The following SCAPER variants were observed in gnomAD, a reference collection of about 807,000 sequenced individuals.
The protein encoded by SCAPER is S-phase cyclin A associated protein in the ER.
A neutral mutation model predicts 182.2 loss-of-function variants in SCAPER; 98 were observed. That is an observed-to-expected ratio of 0.54 (90% CI 0.46 to 0.64). The LOEUF is 0.64. Ranked by LOEUF, SCAPER falls within the 30% of genes least tolerant of loss-of-function variation. The pLI is 0.00. For synonymous variants in SCAPER, 605 were observed against 564.6 expected (o/e 1.07, Z -1.01); for missense variants, 1,432 against 1,690.0 (o/e 0.85, Z 2.68).
intron 2 of SCAPER, among the ~76,000 whole-genome samples, chr15:76,862,936 T>A (rs2071993670): frequency 1.3e-5 from 2 of 152,220 alleles, no homozygotes; most frequent in Non-Finnish European, 2.9e-5. Context: ...ACGCTTTTTT[T>A]AATTCTCTAG....
intron 20 of SCAPER, among the ~76,000 whole-genome samples, chr15:76,678,930 CAG>C (rs1354340570): frequency 6.6e-6 from 1 of 152,066 alleles, no homozygotes; most frequent in Non-Finnish European, 1.5e-5. Context: ...CTCTGGGGGC[CAG>C]AGTTTTATTC....
intron 20 of SCAPER, among the ~76,000 whole-genome samples, chr15:76,685,992 A>G (rs1222708062): frequency 6.6e-6 from 1 of 152,096 alleles, no homozygotes; most frequent in Non-Finnish European, 1.5e-5. Context: ...AATGCAGGTG[A>G]ACCACTTTTA....
chr15:76,401,508 G>A (rs890780139), intron 27 of SCAPER, among the ~76,000 whole-genome samples: 7 of 152,110 alleles, frequency 4.6e-5, no homozygotes, highest in Non-Finnish European at 7.3e-5. Context: ...TGCTTCTTAG[G>A]AGTGATCATT....
At chr15:76,466,127 G>A (rs2049595306) in intron 25 of SCAPER, among the ~76,000 whole-genome samples, 2 of 152,178 alleles carry the variant, frequency 1.3e-5, no homozygotes, top group South Asian at 2.1e-4. Flanking sequence ...GATTTGGGAA[G>A]TTTTGGGTCA....
At chr15:76,366,912 A>C (rs1255123977) in intron 29 of SCAPER, among the ~76,000 whole-genome samples, 1 of 152,220 alleles carries the variant, frequency 6.6e-6, no homozygotes, top group African/African-American at 2.4e-5. Context: ...AGCTGTGTCA[A>C]AACAGTGTTT....
chr15:76,878,473 A>C (rs541927717), intron 2 of SCAPER, among the ~76,000 whole-genome samples: 1 of 152,278 alleles, frequency 6.6e-6, no homozygotes, highest in African/African-American at 2.4e-5. Context: ...ATAAAGGAAA[A>C]ATTTAATAAC....
At chr15:76,447,661 T>C (rs768441026) in intron 25 of SCAPER, among the ~76,000 whole-genome samples, 14 of 152,228 alleles carry the variant, frequency 9.2e-5, no homozygotes, top group Non-Finnish European at 1.8e-4. Flanking sequence ...GAGTTTGTTA[T>C]TCCTATATTC....
intron 20 of SCAPER, among the ~76,000 whole-genome samples, chr15:76,684,642 T>C (rs1256854799): frequency 1.3e-5 from 2 of 151,894 alleles, no homozygotes; most frequent in African/African-American, 2.4e-5. Context: ...AAGAATGCTA[T>C]CAATAACTAC....
chr15:76,700,444 C>G (rs977600813), intron 20 of SCAPER, among the ~76,000 whole-genome samples: 51 of 152,212 alleles, frequency 3.4e-4, no homozygotes, highest in Non-Finnish European at 2.9e-4. Flanking sequence ...TGGACCACTC[C>G]TTGCTTAGTT....
At chr15:76,366,086 T>TACACACACACACACAC (rs59741618) in intron 29 of SCAPER, among the ~76,000 whole-genome samples, 3 of 149,540 alleles carry the variant, frequency 2.0e-5, no homozygotes, top group African/African-American at 7.4e-5. Context: ...CTTACACACT[T>TACACACACACACACAC]ACACACACAC....
At chr15:76,524,285 G>A (rs979560154) in intron 23 of SCAPER, among the ~76,000 whole-genome samples, 2 of 152,096 alleles carry the variant, frequency 1.3e-5, no homozygotes, top group African/African-American at 4.8e-5. Context: ...GGAGAGCCAT[G>A]GTAGAAGGCC....
intron 28 of SCAPER, chr15:76,379,687 T>C (rs2042809784): frequency 6.6e-6 from 1 of 152,118 alleles, no homozygotes; most frequent in South Asian, 2.1e-4. Flanking sequence ...CTTTTTGATT[T>C]TTTTCTTTTC....
chr15:76,579,210 G>A (rs145079739), intron 22 of SCAPER, among the ~76,000 whole-genome samples: 4,049 of 136,884 alleles, frequency 0.03, 176 homozygotes, highest in African/African-American at 0.098. Flanking sequence ...AGCTTGCAGT[G>A]AGCTGAGATG....
At chr15:76,418,090 G>A (rs74980059) in intron 26 of SCAPER, among the ~76,000 whole-genome samples, 2,421 of 152,300 alleles carry the variant, frequency 0.016, 47 homozygotes, top group African/African-American at 0.048. Flanking sequence ...GAGTTGCCTG[G>A]TGGTTGTCCC....
chr15:76,823,936 G>T (rs2067779957), intron 5 of SCAPER, among the ~76,000 whole-genome samples: 1 of 151,842 alleles, frequency 6.6e-6, no homozygotes, highest in Non-Finnish European at 1.5e-5. Flanking sequence ...ACTCTGAAGG[G>T]GCAAGAATAT....
chr15:76,595,962 C>A (rs1217336802), intron 22 of SCAPER, among the ~76,000 whole-genome samples: 1 of 120,680 alleles, frequency 8.3e-6, no homozygotes, highest in African/African-American at 2.5e-5. Flanking sequence ...AGGATCAGAG[C>A]AGAACTGAAG....
intron 4 of SCAPER, among the ~76,000 whole-genome samples, chr15:76,855,580 AAAAC>A (rs1321491275): frequency 1.3e-5 from 2 of 152,178 alleles, no homozygotes; most frequent in South Asian, 4.1e-4. Context: ...TTACAAGATA[AAAAC>A]AAACAACCCC....
At chr15:76,723,813 T>G (rs1193538150) in intron 17 of SCAPER, among the ~76,000 whole-genome samples, 3 of 152,240 alleles carry the variant, frequency 2.0e-5, no homozygotes, top group Non-Finnish European at 4.4e-5. Context: ...TGAGCCTATG[T>G]GTGCCTCTGC....
chr15:76,649,164 C>T (rs1053138761), intron 21 of SCAPER, among the ~76,000 whole-genome samples: 1 of 152,192 alleles, frequency 6.6e-6, no homozygotes, highest in African/African-American at 2.4e-5. Flanking sequence ...CTTAAACTCA[C>T]TCCTTGTGTG....
Sources: gnomAD v4.1 joint callset for allele counts (sites outside exome capture counted in the v4.1 genomes callset) on GRCh38, gnomAD v4.1.1 for gene constraint, MANE v1.5 for transcripts, NCBI Gene and HGNC (gene_info 2026-07-23, HGNC 2026-07-21) for gene names.